CELF2: variants seen among roughly 807,000 people sequenced by gnomAD.
CELF2 encodes the protein CUG triplet repeat RNA-binding protein 2.
In CELF2, 8 loss-of-function variants were observed where a neutral mutation model predicts 62.6. The ratio of observed to expected loss-of-function variants is 0.13; its 90% confidence interval spans 0.07 to 0.23. The LOEUF (loss-of-function observed/expected upper bound fraction) is 0.23, where lower values mean the gene tolerates loss of function less well. CELF2 is among the 10% of genes least tolerant of loss of function. The probability of loss-of-function intolerance (pLI) is 1.00; values close to 1 mark genes in which losing one functional copy is unlikely to be tolerated. For synonymous variants in CELF2, 258 were observed against 250.0 expected (o/e 1.03, Z -0.30); for missense variants, 333 against 671.0 (o/e 0.50, Z 5.56).
intron 1 of CELF2, among the ~76,000 whole-genome samples, chr10:10,838,351 G>C (rs1034470252): frequency 2.0e-5 from 3 of 152,120 alleles, no homozygotes; most frequent in African/African-American, 4.8e-5. Context: ...ATCTGGTGTT[G>C]ATCGCATTTC....
chr10:10,499,227 G>A, the CELF2 span, among the ~76,000 whole-genome samples: 1 of 151,790 alleles, frequency 6.6e-6, no homozygotes, highest in Non-Finnish European at 1.5e-5. Context: ...CCACCTGCCT[G>A]GTTAATTTTT....
At chr10:11,233,905 G>A (rs1416616371) in intron 3 of CELF2, among the ~76,000 whole-genome samples, 7 of 152,206 alleles carry the variant, frequency 4.6e-5, no homozygotes, top group Admixed American at 3.3e-4. Flanking sequence ...TAGAATGGGA[G>A]AGGTGGGTGT....
the CELF2 span, among the ~76,000 whole-genome samples, chr10:10,531,246 G>T: frequency 0.096 from 14,581 of 152,198 alleles, 837 homozygotes; most frequent in East Asian, 0.22. Context: ...ACCTACGTCA[G>T]AAACAAGTTC....
At chr10:11,038,767 T>C (rs1330806908) in intron 1 of CELF2, among the ~76,000 whole-genome samples, 5 of 152,354 alleles carry the variant, frequency 3.3e-5, no homozygotes, top group Admixed American at 1.3e-4. Context: ...AACATTAGTA[T>C]AAATATCTCA....
intron 2 of CELF2, among the ~76,000 whole-genome samples, chr10:10,964,353 A>AG (rs982511569): frequency 6.6e-6 from 1 of 152,212 alleles, no homozygotes; most frequent in Non-Finnish European, 1.5e-5. Flanking sequence ...TCAGTGATTA[A>AG]GGGGGTAAAC....
At chr10:11,327,227 A>G (rs914312025) in intron 12 of CELF2, among the ~76,000 whole-genome samples, 15 of 152,090 alleles carry the variant, frequency 9.9e-5, no homozygotes, top group African/African-American at 3.4e-4. Context: ...GCAGGAGCCT[A>G]CTTTAGGGAG....
rs371327066 is a variant in CELF2, at chr10:10,995,784, G to A, written c.89+75785G>A. ...ATGAGGTCTGATGGCCTCAACTAAC[G>A]TAGTAGAGATGGGAGGAAGTGGTTG... is the stretch of plus-strand genomic sequence containing the variant. On this transcript the variant is annotated intron_variant, in intron 2 of 13. Transcript: ENST00000636488. The surrounding 1 kb of genome is among the most constrained non-coding windows in gnomAD (Gnocchi z 4.7). Among the ~76,000 whole-genome samples the A allele has an allele frequency of 1.4e-4, 21 of 152,308 alleles. No homozygotes were observed. Among genetic ancestry groups the A allele is most frequent in the African/African-American group, 3.8e-4 (16 of 41,574 alleles).
intron 1 of CELF2, among the ~76,000 whole-genome samples, chr10:11,085,767 T>C (rs2046537016): frequency 6.6e-6 from 1 of 152,220 alleles, no homozygotes; most frequent in Non-Finnish European, 1.5e-5. Context: ...AAGCAGTTTT[T>C]ATAATGTCAT....
At chr10:10,501,701 T>G in the CELF2 span, among the ~76,000 whole-genome samples, 2 of 152,212 alleles carry the variant, frequency 1.3e-5, no homozygotes. Context: ...GCATTTTGTA[T>G]GTAGGCAGTC....
intron 7 of CELF2, among the ~76,000 whole-genome samples, chr10:11,271,130 G>T (rs949469515): frequency 6.6e-6 from 1 of 152,204 alleles, no homozygotes; most frequent in Non-Finnish European, 1.5e-5. Flanking sequence ...GAGGGAGGCC[G>T]CTGGGCTGGC....
At chr10:11,004,927 A>G (rs753969326), upstream of CELF2, among the ~76,000 whole-genome samples, 1 of 152,196 alleles carries the variant, frequency 6.6e-6, no homozygotes, top group Non-Finnish European at 1.5e-5. The surrounding 1 kb of genome is among the most constrained non-coding windows in gnomAD (Gnocchi z 5.0). Flanking sequence ...CTCATCTGCG[A>G]TGCTTGCTGG....
At chr10:11,239,054 G>T (rs185477400) in intron 3 of CELF2, among the ~76,000 whole-genome samples, 2 of 152,208 alleles carry the variant, frequency 1.3e-5, no homozygotes, top group East Asian at 3.9e-4. Context: ...TTACAGATGG[G>T]GTTGTGGAAT....
chr10:10,996,625 G>A (rs1227653907), intron 2 of CELF2, among the ~76,000 whole-genome samples: 1 of 152,166 alleles, frequency 6.6e-6, no homozygotes, highest in Non-Finnish European at 1.5e-5. Context: ...TCATAACTTT[G>A]TATGTATATA....
intron 4 of CELF2, among the ~76,000 whole-genome samples, chr10:11,251,917 G>T (rs1167192021): frequency 1.3e-5 from 2 of 152,226 alleles, no homozygotes; most frequent in African/African-American, 2.4e-5. Flanking sequence ...GGCCTGGGCT[G>T]TTTATACCGA....
intron 1 of CELF2, among the ~76,000 whole-genome samples, chr10:11,021,055 G>A (rs2058238164): frequency 6.6e-6 from 1 of 152,112 alleles, no homozygotes; most frequent in Non-Finnish European, 1.5e-5. Context: ...ACTGACAGTT[G>A]ATTTTCAATT....
chr10:10,473,637 G>T, the CELF2 span, among the ~76,000 whole-genome samples: 1 of 151,948 alleles, frequency 6.6e-6, no homozygotes, highest in African/African-American at 2.4e-5. Context: ...GGTTGTTCTT[G>T]CTATTTTCGT....
At chr10:11,025,466 C>T (rs1204855192) in intron 1 of CELF2, among the ~76,000 whole-genome samples, 2 of 152,184 alleles carry the variant, frequency 1.3e-5, no homozygotes, top group African/African-American at 2.4e-5. Flanking sequence ...CTTCCCCCTT[C>T]GTTCAACGCT....
intron 1 of CELF2, among the ~76,000 whole-genome samples, chr10:11,151,238 T>G (rs1347260187): frequency 2.0e-5 from 3 of 152,234 alleles, no homozygotes; most frequent in Admixed American, 2.0e-4. Flanking sequence ...TTATGGCTTT[T>G]CCTGTATATT....
chr10:10,869,992 T>C (rs2060633930), intron 1 of CELF2, among the ~76,000 whole-genome samples: 1 of 152,186 alleles, frequency 6.6e-6, no homozygotes, highest in Admixed American at 6.5e-5. Context: ...ATATTGCCAT[T>C]GAGATTACCT....
Sources: gnomAD v4.1 joint callset for allele counts (sites outside exome capture counted in the v4.1 genomes callset) on GRCh38, gnomAD v4.1.1 for gene constraint, Gnocchi (gnomAD v3.1) non-coding constraint, MANE v1.5 for transcripts, NCBI Gene and HGNC (gene_info 2026-07-23, HGNC 2026-07-21) for gene names.